The following TLK1 variants were observed in gnomAD, a reference collection of about 807,000 sequenced individuals.
The protein encoded by TLK1 is tousled like kinase 1, also known as serine/threonine-protein kinase tousled-like 1.
TLK1 carries 24 observed loss-of-function variants against 105.3 expected under a neutral mutation model. The ratio of observed to expected loss-of-function variants is 0.23; its 90% CI spans 0.17 to 0.32. TLK1 has a LOEUF of 0.32. Among genes scored for constraint, TLK1 ranks in the 10% least tolerant of loss-of-function variants. The pLI, the probability that TLK1 is intolerant of heterozygous loss-of-function variation, is 1.00. For synonymous variants in TLK1, 321 were observed against 310.4 expected, an observed-to-expected ratio of 1.03 and a Z score of -0.36; for missense variants, 558 against 910.5, an observed-to-expected ratio of 0.61 and a Z score of 4.98.
At chr2:171,009,849 AGTAC>A (rs1174618839) in intron 14 of TLK1, among the ~76,000 whole-genome samples, 2 of 152,246 alleles carry the variant, frequency 1.3e-5, no homozygotes, top group African/African-American at 4.8e-5. Flanking sequence ...CAACTATGCC[AGTAC>A]GTAATGAAGC....
At position 171,114,051 on chromosome 2, in the gene TLK1, G is replaced by A. The variant is rs536176639; in HGVS notation, c.258+3688C>T. On this transcript the variant is annotated intron_variant, in intron 2 of 20. Transcript: ENST00000431350. ...TCTTGCAATTACCAGATGTCAAATG[G>A]GCCCTTCCATAAATCTAAAATATAT... is the stretch of plus-strand genomic sequence containing the variant. Among the ~76,000 whole-genome samples, 6 of 152,000 alleles carry A rather than the reference G, an allele frequency of 3.9e-5. No individual in the cohort carries two copies. In the East Asian group the frequency reaches 7.7e-4, roughly 20 times the overall value.
intron 12 of TLK1, among the ~76,000 whole-genome samples, chr2:171,024,510 AAACTT>A (rs1236612797): frequency 6.6e-6 from 1 of 152,196 alleles, no homozygotes; most frequent in Non-Finnish European, 1.5e-5. Context: ...CACCAAAAGA[AAACTT>A]AAGGAAAAGC....
intron 1 of TLK1, among the ~76,000 whole-genome samples, chr2:171,191,021 C>T (rs113316166): frequency 1.3e-3 from 198 of 151,856 alleles, no homozygotes; most frequent in African/African-American, 4.4e-3. Flanking sequence ...ATTAGCTGGG[C>T]GTGGTGGTGC....
chr2:171,019,122 A>C (rs1282927960), intron 12 of TLK1, among the ~76,000 whole-genome samples: 2 of 152,222 alleles, frequency 1.3e-5, no homozygotes, highest in East Asian at 3.8e-4. Flanking sequence ...AAAATTAAAA[A>C]AAAAAAATGT....
At chr2:171,203,960 G>A (rs1693451312) in intron 1 of TLK1, among the ~76,000 whole-genome samples, 1 of 152,068 alleles carries the variant, frequency 6.6e-6, no homozygotes, top group Admixed American at 6.6e-5. Flanking sequence ...GCTGAGGCAG[G>A]AGAATCGCTT....
At chr2:171,030,456 G>A (rs937110201) in intron 11 of TLK1, among the ~76,000 whole-genome samples, 18 of 152,206 alleles carry the variant, frequency 1.2e-4, no homozygotes, top group Admixed American at 3.3e-4. Flanking sequence ...ATGCTGGAGT[G>A]TGAATGTAGA....
intron 1 of TLK1, among the ~76,000 whole-genome samples, chr2:171,120,083 C>T (rs1310520340): frequency 6.6e-6 from 1 of 151,666 alleles, no homozygotes; most frequent in Non-Finnish European, 1.5e-5. Context: ...AACGTCTCTA[C>T]TAAAAATACA....
intron 1 of TLK1, among the ~76,000 whole-genome samples, chr2:171,225,041 A>T (rs1481279251): frequency 6.6e-6 from 1 of 152,192 alleles, no homozygotes; most frequent in Non-Finnish European, 1.5e-5. Context: ...CCTACCTCAC[A>T]TCATATATAA....
At position 171,014,966 on chromosome 2, in the gene TLK1, G is replaced by C; in HGVS notation, c.1237-18C>G. On this transcript the variant is annotated intron_variant, in intron 12 of 20. Coordinates refer to ENST00000431350, the MANE Select transcript of TLK1 (RefSeq NM_012290.5). ...GCCTCTTCCTGAAAATGAAGAGAGG[G>C]GACTATAACAAGCTCAATTTATTTG... 6.4e-7 allele frequency: 1 copy of C among 1,567,562 alleles called. No homozygotes were observed.
chr2:171,146,449 GAAC>G (rs1272300089), intron 1 of TLK1, among the ~76,000 whole-genome samples: 12 of 151,960 alleles, frequency 7.9e-5, no homozygotes, highest in African/African-American at 2.4e-4. Context: ...AAAATATAAA[GAAC>G]AACTGGTATT....
At chr2:171,051,226 A>C (rs1189703646) in intron 8 of TLK1, among the ~76,000 whole-genome samples, 1 of 152,188 alleles carries the variant, frequency 6.6e-6, no homozygotes, top group African/African-American at 2.4e-5. Context: ...GAAGAAGAGG[A>C]TATCTGTTTA....
At chr2:170,994,849 T>C (rs759789557) in intron 20 of TLK1, 2 of 366,636 alleles carry the variant, frequency 5.5e-6, no homozygotes, top group Non-Finnish European at 1.1e-5. Context: ...GGTTCATCCT[T>C]TTTTGGGGGG....
At chr2:171,072,479 C>T (rs1384036024) in intron 3 of TLK1, among the ~76,000 whole-genome samples, 2 of 150,976 alleles carry the variant, frequency 1.3e-5, no homozygotes, top group South Asian at 2.1e-4. Context: ...CTGGGTAGGC[C>T]GGGTGCAGTG....
chr2:171,204,038 A>G lies in TLK1; in HGVS notation c.-6+27107T>C, dbSNP rs148477938. On this transcript the variant is annotated intron_variant, in intron 1 of 20. Transcript: ENST00000521943. ...CACTGTACTCCAGCCTGGGTAACAGAGAGAGACTCTGTCTCAGAAAAAAAA... is the reference window on the plus strand; with the variant it reads ...CACTGTACTCCAGCCTGGGTAACAGGGAGAGACTCTGTCTCAGAAAAAAAA... Among the ~76,000 whole-genome samples, 767 of 152,254 alleles carry G rather than the reference A, an allele frequency of 5.0e-3. 10 individuals are homozygous for G. Among genetic ancestry groups the G allele is most frequent in the African/African-American group, 0.018 (730 of 41,552 alleles).
At chr2:171,091,460 T>C (rs1416284613) in intron 2 of TLK1, among the ~76,000 whole-genome samples, 2 of 152,204 alleles carry the variant, frequency 1.3e-5, no homozygotes. Flanking sequence ...ATTTTAGGTA[T>C]TCAACCTCCA....
chr2:171,085,655 CATAG>C (rs763832762), intron 2 of TLK1, among the ~76,000 whole-genome samples: 5 of 152,112 alleles, frequency 3.3e-5, no homozygotes, highest in South Asian at 2.1e-4. Flanking sequence ...ACATGGAAAG[CATAG>C]ATAAACGGTT....
intron 12 of TLK1, among the ~76,000 whole-genome samples, chr2:171,015,245 A>G (rs1685116658): frequency 1.3e-5 from 2 of 152,130 alleles, no homozygotes; most frequent in Admixed American, 1.3e-4. Context: ...GGTAGTTGAA[A>G]ACTGACATAA....
chr2:171,191,961 C>G (rs940065536), intron 1 of TLK1, among the ~76,000 whole-genome samples: 4 of 152,218 alleles, frequency 2.6e-5, no homozygotes, highest in Admixed American at 6.5e-5. Context: ...ATTTCCCAAT[C>G]TAATTTGACC....
At chr2:171,148,890 A>AAAAAAAATATAT (rs1445171800) in intron 1 of TLK1, among the ~76,000 whole-genome samples, 35 of 138,454 alleles carry the variant, frequency 2.5e-4, no homozygotes, top group African/African-American at 9.2e-4. Flanking sequence ...AAAAAAAAAA[A>AAAAAAAATATAT]ATATATATAT....
Sources: allele counts gnomAD v4.1 joint callset (sites outside exome capture counted in the v4.1 genomes callset), GRCh38; gene constraint gnomAD v4.1.1; transcripts MANE v1.5; gene names NCBI Gene and HGNC (gene_info 2026-07-23, HGNC 2026-07-21).